Variants in ASXL3 observed in about 807,000 individuals in gnomAD.
ASXL3 encodes putative Polycomb group protein ASXL3.
A neutral mutation model predicts 170.6 loss-of-function variants in ASXL3; 34 were observed. The ratio of observed to expected loss-of-function variants is 0.20; its 90% confidence interval spans 0.15 to 0.27. The LOEUF (loss-of-function observed/expected upper bound fraction) is 0.27, where lower values mean the gene tolerates loss of function less well. ASXL3 is among the 10% of genes least tolerant of loss of function. The probability of loss-of-function intolerance (pLI) is 1.00; values close to 1 mark genes in which losing one functional copy is unlikely to be tolerated. For synonymous variants in ASXL3, 1,002 were observed against 989.1 expected (o/e 1.01, Z -0.24); for missense variants, 2,592 against 2,695.3 (o/e 0.96, Z 0.85).
At chr18:33,609,472 A>G (rs1027343014) in intron 2 of ASXL3, among the ~76,000 whole-genome samples, 1 of 152,040 alleles carries the variant, frequency 6.6e-6, no homozygotes, top group Admixed American at 6.6e-5. Context: ...GGCTCACAAC[A>G]TTTTAATTAC....
intron 1 of ASXL3, among the ~76,000 whole-genome samples, chr18:33,598,285 C>G (rs551815475): frequency 6.6e-6 from 1 of 151,982 alleles, no homozygotes; most frequent in Non-Finnish European, 1.5e-5. Flanking sequence ...TTAATTATTT[C>G]ATCTAATATT....
chr18:33,620,349 G>A (rs2145151207), intron 2 of ASXL3, among the ~76,000 whole-genome samples: 1 of 152,210 alleles, frequency 6.6e-6, no homozygotes, highest in Admixed American at 6.5e-5. Context: ...GGAACAGATT[G>A]TTGTCAGTGA....
At position 33,745,913 on chromosome 18, in the gene ASXL3, C is replaced by G. The variant is rs749152415; in HGVS notation, c.6065C>G (p.Pro2022Arg). The part of the protein sequence containing the change: ...KALVHPPPPP[P>R]PPPPPPLALP... The stretch of plus-strand genomic sequence containing the variant: ...CTAGTACATCCGCCGCCGCCACCGC[C>G]TCCCCCTCCCCCTCCACCCTTGGCT... Residue 2022 changes from proline (P) to arginine (R), a missense_variant, in exon 12 of 12, where the codon CCT (proline) becomes CGT (arginine). By Grantham distance (103) the Pro-to-Arg change is moderately radical. Transcript: ENST00000269197. 2 of 1,579,038 alleles carry G rather than the reference C, an allele frequency of 1.3e-6. No homozygotes were observed. Among genetic ancestry groups the G allele is most frequent in the Non-Finnish European group, 1.7e-6 (2 of 1,165,476 alleles).
Position 33,634,872 on chromosome 18 carries a change from G to T in ASXL3, c.138-10022G>T, listed in dbSNP as rs143234435. 4.8e-3 allele frequency among the ~76,000 whole-genome samples: 724 copies of T among 152,264 alleles called. 4 individuals carry two copies. Among genetic ancestry groups the T allele is most frequent in the African/African-American group, 0.017 (698 of 41,554 alleles). On this transcript the variant is annotated intron_variant, in intron 2 of 11. Coordinates refer to ENST00000269197, the MANE Select transcript of ASXL3 (RefSeq NM_030632.3). ...ACCTAGAATCTTTATTAAAGTCAGG[G>T]TCCTCAAGGAGCTAGTTGCCATCAA...
chr18:33,618,930 C>A (rs1221989447), intron 2 of ASXL3, among the ~76,000 whole-genome samples: 1 of 152,046 alleles, frequency 6.6e-6, no homozygotes, highest in Non-Finnish European at 1.5e-5. Flanking sequence ...ATTTTCTTGG[C>A]ATAGTGCTGA....
chr18:33,669,151 T>C (rs1285043191), intron 5 of ASXL3, among the ~76,000 whole-genome samples: 3 of 152,200 alleles, frequency 2.0e-5, no homozygotes, highest in East Asian at 3.8e-4. Flanking sequence ...TGAATTCTTA[T>C]ACAATGCTAG....
intron 1 of ASXL3, among the ~76,000 whole-genome samples, chr18:33,584,159 G>A (rs2065015726): frequency 6.6e-6 from 1 of 152,124 alleles, no homozygotes; most frequent in Non-Finnish European, 1.5e-5. Context: ...GGTGAAGAGA[G>A]AGCCTTCTAA....
chr18:33,739,097 G>C lies in ASXL3; in HGVS notation c.1693G>C (p.Val565Leu). Reference protein sequence around the residue: ...DTEHKESETAVETSTPKIKTG... With the variant: ...DTEHKESETALETSTPKIKTG... Reference sequence around the variant, plus strand: ...AGAACATAAGGAGTCAGAAACTGCAGTAGAGACCAGTACCCCCAAAATAAA... The same window carrying C: ...AGAACATAAGGAGTCAGAAACTGCACTAGAGACCAGTACCCCCAAAATAAA... The change falls in exon 11 of 12, where the codon GTA becomes CTA. Residue 565 changes from valine (V) to leucine (L), a missense_variant. By Grantham distance (32) the Val-to-Leu change is conservative (BLOSUM62 1). Coordinates refer to ENST00000269197, the MANE Select transcript of ASXL3 (RefSeq NM_030632.3). 6.2e-7 allele frequency: 1 copy of C among 1,613,358 alleles called. No individual in the cohort carries two copies. The highest frequency in any genetic ancestry group is 1.6e-4 in the Middle Eastern group (1 of 6,062).
intron 10 of ASXL3, among the ~76,000 whole-genome samples, chr18:33,736,549 T>C (rs1175023678): frequency 1.3e-5 from 2 of 152,178 alleles, no homozygotes; most frequent in African/African-American, 4.8e-5. Flanking sequence ...TGCCTTTTCA[T>C]TGCTGTACGC....
At chr18:33,614,685 T>G (rs1191197780) in intron 2 of ASXL3, 1 of 152,182 alleles carries the variant, frequency 6.6e-6, no homozygotes, top group Non-Finnish European at 1.5e-5. Context: ...AAATCAAAAT[T>G]ATTCCTTGAT....
intron 2 of ASXL3, among the ~76,000 whole-genome samples, chr18:33,610,440 C>A (rs1012203381): frequency 1.3e-5 from 2 of 152,092 alleles, no homozygotes; most frequent in East Asian, 1.9e-4. Context: ...TCCACTGTAC[C>A]TAGCAGTTCT....
intron 6 of ASXL3, 143 bp from the exon 7 acceptor site, chr18:33,671,604 G>A (rs1300069921): frequency 9.5e-6 from 6 of 632,498 alleles, no homozygotes; most frequent in Non-Finnish European, 1.5e-5. Context: ...TTTATATCCA[G>A]TAGGGGAATC....
Position 33,738,561 on chromosome 18 carries a change from C to T in ASXL3, c.1157C>T (p.Ser386Leu), listed in dbSNP as rs1411631905. ...PNNAGAQSSSSCGTSGLPVSA... is the reference protein window; with the variant it reads ...PNNAGAQSSSLCGTSGLPVSA... ...AACGCTGGAGCTCAAAGTAGTTCTT[C>T]ATGTGGGACTTCTGGCCTTCCAGTT... is the stretch of plus-strand genomic sequence containing the variant. The change falls in exon 11 of 12, where the codon TCA becomes TTA. Residue 386 changes from serine (S) to leucine (L), a missense_variant. Ser to Leu is a moderately radical substitution (Grantham distance 145). Coordinates refer to ENST00000269197, the MANE Select transcript of ASXL3 (RefSeq NM_030632.3). 1 of 1,613,704 alleles carries T rather than the reference C, an allele frequency of 6.2e-7. No homozygotes were observed. Among genetic ancestry groups the T allele is most frequent in the Non-Finnish European group, 8.5e-7 (1 of 1,179,818 alleles).
intron 2 of ASXL3, among the ~76,000 whole-genome samples, chr18:33,608,392 G>A (rs1430187059): frequency 6.6e-6 from 1 of 151,884 alleles, no homozygotes; most frequent in Non-Finnish European, 1.5e-5. Context: ...AGCCTTTTGT[G>A]AAAGGCTTAT....
chr18:33,655,236 G>T (rs1331552438), intron 4 of ASXL3, among the ~76,000 whole-genome samples: 1 of 151,926 alleles, frequency 6.6e-6, no homozygotes, highest in Non-Finnish European at 1.5e-5. Context: ...ATTCCTCTTG[G>T]TTTATTTTGC....
At chr18:33,718,844 G>T (rs933245763) in intron 8 of ASXL3, among the ~76,000 whole-genome samples, 1 of 151,840 alleles carries the variant, frequency 6.6e-6, no homozygotes, top group African/African-American at 2.4e-5. Context: ...CAAGTCATAG[G>T]TCCTTCCCAT....
chr18:33,685,800 A>G (rs2066585992), intron 8 of ASXL3, among the ~76,000 whole-genome samples: 1 of 152,166 alleles, frequency 6.6e-6, no homozygotes, highest in Non-Finnish European at 1.5e-5. Context: ...TCTTGTAAAC[A>G]ACCAGATCTG....
rs978097590 is a variant in ASXL3, at chr18:33,750,470, T to C, written c.*3875T>C. 1.3e-5 allele frequency: 2 copies of C among 152,212 alleles called. No individual in the cohort carries two copies. Among genetic ancestry groups the C allele is most frequent in the Non-Finnish European group, 2.9e-5 (2 of 68,046 alleles). 9.4% of individuals were successfully genotyped at this position (152,212 alleles called of 1,614,324 possible). On this transcript the variant is annotated 3_prime_UTR_variant, in exon 12 of 12. Transcript: ENST00000269197. ...CTTTACTTGGTTGCCATAATTTTCT[T>C]GTACTGCTGTATTCCCCTCCTTCCC...
chr18:33,578,775 C>A (rs1254700593), intron 1 of ASXL3, 90 bp downstream of exon 1: 4 of 815,786 alleles, frequency 4.9e-6, no homozygotes, highest in East Asian at 1.4e-4. Flanking sequence ...ACGGCCACTT[C>A]CAGCCCGAGC....
Sources: gnomAD v4.1 joint callset for allele counts (sites outside exome capture counted in the v4.1 genomes callset) on GRCh38, gnomAD v4.1.1 for gene constraint, MANE v1.5 for transcripts, NCBI Gene and HGNC (gene_info 2026-07-23, HGNC 2026-07-21) for gene names.